Variants in GRHL2 observed in about 807,000 individuals in gnomAD.
GRHL2 encodes the protein grainyhead-like protein 2 homolog.
In GRHL2, 21 loss-of-function variants were observed where a neutral mutation model predicts 83.8. The ratio of observed to expected loss-of-function variants is 0.25; its 90% CI spans 0.18 to 0.36. The LOEUF (loss-of-function observed/expected upper bound fraction) is 0.36, where lower values mean the gene tolerates loss of function less well. Among genes scored for constraint, GRHL2 ranks in the 10% least tolerant of loss-of-function variants. GRHL2 has a pLI of 1.00. For synonymous variants in GRHL2, 280 were observed against 278.9 expected (o/e 1.00, Z -0.04); for missense variants, 623 against 781.8 (o/e 0.80, Z 2.42).
chr8:101,656,873 G>GACACACACACACACACAC (rs35693999), intron 14 of GRHL2, among the ~76,000 whole-genome samples: 4,886 of 147,300 alleles, frequency 0.033, 128 homozygotes, highest in East Asian at 0.1. Flanking sequence ...GTGTCTAACA[G>GACACACACACACACACAC]ACACACACAC....
intron 8 of GRHL2, among the ~76,000 whole-genome samples, chr8:101,600,866 A>G (rs1373755189): frequency 2.6e-5 from 4 of 152,148 alleles, no homozygotes; most frequent in Non-Finnish European, 5.9e-5. Context: ...GTGTCTTATC[A>G]ATGTTAAAGG....
chr8:101,492,679 C>G lies in GRHL2; in HGVS notation c.-91C>G. ...CTCTTGTTCTGCCATCTCGGGCGCT[C>G]TCACACACCTTCACCTGCACAGACT... On this transcript the variant is annotated 5_prime_UTR_variant, in exon 1 of 16. Transcript: ENST00000646743. 8.7e-7 allele frequency: 1 copy of G among 1,143,898 alleles called. No homozygotes were observed. The highest frequency in any genetic ancestry group is 1.2e-5 in the South Asian group (1 of 82,038). 70.9% of individuals were successfully genotyped at this position (1,143,898 alleles called of 1,614,324 possible). A position where few individuals can be genotyped will look rare whatever the true frequency, so the allele number is the denominator to read the frequency against.
At chr8:101,517,618 A>G (rs1810598263) in intron 1 of GRHL2, among the ~76,000 whole-genome samples, 1 of 152,220 alleles carries the variant, frequency 6.6e-6, no homozygotes, top group Non-Finnish European at 1.5e-5. Flanking sequence ...TGTAGTTAAA[A>G]AAATTCTCAC....
At chr8:101,640,976 G>C (rs1229340894) in intron 12 of GRHL2, among the ~76,000 whole-genome samples, 1 of 152,136 alleles carries the variant, frequency 6.6e-6, no homozygotes, top group Admixed American at 6.5e-5. Flanking sequence ...ACATTGGTCT[G>C]CCACAAGCTA....
At chr8:101,605,248 G>A (rs751515112) in intron 8 of GRHL2, among the ~76,000 whole-genome samples, 1 of 152,148 alleles carries the variant, frequency 6.6e-6, no homozygotes, top group Non-Finnish European at 1.5e-5. Flanking sequence ...GAGACATCAT[G>A]GATAATCTTC....
intron 7 of GRHL2, among the ~76,000 whole-genome samples, chr8:101,595,257 A>C: frequency 6.6e-6 from 1 of 152,238 alleles, no homozygotes; most frequent in East Asian, 1.9e-4. Context: ...ATCTGTATCT[A>C]TATTGCATTT....
chr8:101,546,862 A>C (rs1260177708), intron 2 of GRHL2, among the ~76,000 whole-genome samples: 3 of 152,186 alleles, frequency 2.0e-5, no homozygotes, highest in Non-Finnish European at 4.4e-5. Flanking sequence ...GGAAAGTTGA[A>C]ATATTGCTTT....
intron 1 of GRHL2, among the ~76,000 whole-genome samples, chr8:101,495,620 T>C (rs1810084150): frequency 6.6e-6 from 1 of 152,220 alleles, no homozygotes; most frequent in African/African-American, 2.4e-5. Context: ...GTGTAGGTAC[T>C]ATGTGATTTG....
At chr8:101,545,443 GAAAAAAAA>G (rs34421761) in intron 2 of GRHL2, among the ~76,000 whole-genome samples, 14 of 58,926 alleles carry the variant, frequency 2.4e-4, no homozygotes, top group Admixed American at 6.9e-4. Flanking sequence ...GGGAATTCCT[GAAAAAAAA>G]AAAAAAAAAA....
chr8:101,612,305 TA>T (rs1261144462), intron 8 of GRHL2, among the ~76,000 whole-genome samples: 1 of 150,926 alleles, frequency 6.6e-6, no homozygotes, highest in Non-Finnish European at 1.5e-5. Flanking sequence ...TCTTACTTCT[TA>T]AAGCAAGCAG....
chr8:101,678,045 C>G, the GRHL2 span, among the ~76,000 whole-genome samples: 1 of 152,082 alleles, frequency 6.6e-6, no homozygotes, highest in African/African-American at 2.4e-5. Context: ...GTAAAGTGTT[C>G]AGCACACTTC....
Position 101,645,452 on chromosome 8 carries a change from T to C in GRHL2, c.1612+1227T>C, listed in dbSNP as rs868471098. Among the ~76,000 whole-genome samples, 96 of 152,268 alleles carry C rather than the reference T, an allele frequency of 6.3e-4. 2 individuals carry two copies. In the Middle Eastern group the frequency reaches 0.02, roughly 32 times the overall value. On this transcript the variant is annotated intron_variant, in intron 13 of 15. Coordinates refer to ENST00000646743, the MANE Select transcript of GRHL2 (RefSeq NM_024915.4). ...ATGTTAAATATGCCCGCCATCTGCA[T>C]AGGCTTGAGTACTTTGTTATTGAGA...
At chr8:101,600,466 T>C (rs1271684006) in intron 8 of GRHL2, among the ~76,000 whole-genome samples, 3 of 152,204 alleles carry the variant, frequency 2.0e-5, no homozygotes, top group Non-Finnish European at 4.4e-5. Context: ...CTCCTGTGCT[T>C]AGGGCTGTCT....
chr8:101,646,942 C>T (rs554546646), intron 13 of GRHL2, among the ~76,000 whole-genome samples: 36 of 152,336 alleles, frequency 2.4e-4, no homozygotes, highest in African/African-American at 7.0e-4. Flanking sequence ...AGCTGCCCTG[C>T]CTGGTGCCAC....
chr8:101,519,510 T>C (rs986688975), intron 1 of GRHL2, among the ~76,000 whole-genome samples: 9 of 151,628 alleles, frequency 5.9e-5, no homozygotes, highest in African/African-American at 2.2e-4. Flanking sequence ...GCAATCCTCC[T>C]GCCTCACCGC....
chr8:101,566,253 A>G (rs536348924), intron 4 of GRHL2, among the ~76,000 whole-genome samples: 43 of 152,294 alleles, frequency 2.8e-4, no homozygotes, highest in South Asian at 6.2e-4. Flanking sequence ...CACATTTTAT[A>G]CCTTAGGAGG....
At chr8:101,558,226 C>T (rs1249748872) in intron 3 of GRHL2, among the ~76,000 whole-genome samples, 193 bp from the exon 4 acceptor site, 1 of 152,220 alleles carries the variant, frequency 6.6e-6, no homozygotes, top group Non-Finnish European at 1.5e-5. Context: ...TACCAGGGGG[C>T]GCATGGCTCA....
chr8:101,579,794 C>T (rs933340974), intron 7 of GRHL2, among the ~76,000 whole-genome samples: 2 of 152,166 alleles, frequency 1.3e-5, no homozygotes, highest in East Asian at 3.8e-4. Flanking sequence ...CCGTCATCTG[C>T]TTTAACTCTG....
At chr8:101,612,516 G>GATAC (rs1176645578) in intron 8 of GRHL2, among the ~76,000 whole-genome samples, 5,532 of 79,384 alleles carry the variant, frequency 0.07, 163 homozygotes, top group Middle Eastern at 0.15. Context: ...TAGATAGATA[G>GATAC]ATAGATACAT....
Sources: allele counts gnomAD v4.1 joint callset (sites outside exome capture counted in the v4.1 genomes callset), GRCh38; gene constraint gnomAD v4.1.1; transcripts MANE v1.5; gene names NCBI Gene and HGNC (gene_info 2026-07-23, HGNC 2026-07-21).